Variants in FRMD4A observed in about 807,000 individuals in gnomAD.
The protein encoded by FRMD4A is FERM domain-containing protein 4A.
FRMD4A carries 29 observed loss-of-function variants against 129.1 expected under a neutral mutation model. The observed-to-expected ratio is 0.22, with a 90% CI of 0.17 to 0.31. The LOEUF (loss-of-function observed/expected upper bound fraction) is 0.31. Among genes scored for constraint, FRMD4A ranks in the 10% least tolerant of loss-of-function variants. The pLI, the probability that FRMD4A is intolerant of heterozygous loss-of-function variation, is 1.00. For missense variants in FRMD4A, 1,272 were observed against 1,375.8 expected, an observed-to-expected ratio of 0.92 and a Z score of 1.19; for synonymous variants, 634 against 571.6, an observed-to-expected ratio of 1.11 and a Z score of -1.56.
chr10:13,952,810 C>G (rs562575261), intron 2 of FRMD4A, among the ~76,000 whole-genome samples: 2 of 152,312 alleles, frequency 1.3e-5, no homozygotes, highest in South Asian at 4.2e-4. Flanking sequence ...TCTCCTGCCT[C>G]AGCCTCCCGA....
intron 2 of FRMD4A, among the ~76,000 whole-genome samples, chr10:14,265,565 T>C (rs928368300): frequency 3.3e-5 from 5 of 152,206 alleles, no homozygotes; most frequent in African/African-American, 4.8e-5. Flanking sequence ...TATAAGAATA[T>C]AGCTTTCAAA....
At chr10:13,729,350 G>A (rs1405975468) in intron 12 of FRMD4A, 2 of 152,284 alleles carry the variant, frequency 1.3e-5, no homozygotes, top group South Asian at 2.1e-4. Context: ...AGCCACCTAG[G>A]CCGGTCAAGT....
At chr10:13,887,969 G>C (rs1241481559) in intron 2 of FRMD4A, among the ~76,000 whole-genome samples, 4 of 152,190 alleles carry the variant, frequency 2.6e-5, no homozygotes, top group Non-Finnish European at 5.9e-5. Context: ...GCTGTGAAGA[G>C]AATTTTTGAT....
intron 2 of FRMD4A, among the ~76,000 whole-genome samples, chr10:14,185,536 A>C (rs1475844755): frequency 1.3e-5 from 2 of 151,534 alleles, no homozygotes; most frequent in East Asian, 3.9e-4. Context: ...GAACTATGGA[A>C]ACTTGAAACA....
chr10:14,318,680 T>A (rs1020094352), intron 2 of FRMD4A, among the ~76,000 whole-genome samples: 10 of 151,088 alleles, frequency 6.6e-5, no homozygotes, highest in African/African-American at 2.4e-4. Context: ...ATTTATACAA[T>A]GTTTCCTCTG....
chr10:14,174,690 G>A (rs1399567198), intron 2 of FRMD4A, among the ~76,000 whole-genome samples: 1 of 152,192 alleles, frequency 6.6e-6, no homozygotes, highest in African/African-American at 2.4e-5. Context: ...ACTGCGTGGA[G>A]TACTTCTAAA....
chr10:14,192,130 C>T (rs1421493779), intron 2 of FRMD4A, among the ~76,000 whole-genome samples: 1 of 152,152 alleles, frequency 6.6e-6, no homozygotes, highest in Non-Finnish European at 1.5e-5. Flanking sequence ...AGTCACCATC[C>T]CCTTATCATC....
In FRMD4A at chr10:13,778,548, G is replaced by A. The variant is rs187791255; in HGVS notation, c.384+4374C>T. Among the ~76,000 whole-genome samples the A allele has an allele frequency of 1.1e-4, 16 of 152,186 alleles. No individual in the cohort carries two copies. In the East Asian group the frequency reaches 2.5e-3, roughly 24 times the overall value. On this transcript the variant is annotated intron_variant, in intron 6 of 24. Transcript: ENST00000357447. ...GGTGGAACTATTCTGTGCAGTGAAT[G>A]TGTTGAGGTAGTTACAGAAGGAAAG...
intron 3 of FRMD4A, among the ~76,000 whole-genome samples, chr10:13,850,930 G>A (rs1225911971): frequency 6.6e-6 from 1 of 152,190 alleles, no homozygotes; most frequent in Non-Finnish European, 1.5e-5. Flanking sequence ...ATAAAGAATT[G>A]TAGGCCAGGT....
At chr10:13,727,370 C>G (rs1419242095) in intron 12 of FRMD4A, among the ~76,000 whole-genome samples, 1 of 152,154 alleles carries the variant, frequency 6.6e-6, no homozygotes, top group African/African-American at 2.4e-5. Context: ...CTACAGAGAA[C>G]CACCTTGCCC....
chr10:14,100,965 G>C (rs1361516828), intron 2 of FRMD4A, among the ~76,000 whole-genome samples: 1 of 152,084 alleles, frequency 6.6e-6, no homozygotes. Flanking sequence ...TCCTCACAAC[G>C]TGTGGGTTGG....
At position 13,645,841 on chromosome 10, in the gene FRMD4A, CA is replaced by C. The variant is rs1437216732; in HGVS notation, c.*1196del. ...CGACAGTTAAACACTGAATGGATCG[CA>C]ATGTGCTTTTCCCTTGGTTTCCCAT... On this transcript the variant is annotated 3_prime_UTR_variant, in exon 25 of 25. Coordinates refer to ENST00000357447, the MANE Select transcript of FRMD4A (RefSeq NM_018027.5). 6.6e-6 allele frequency: 1 copy of C among 152,584 alleles called. No individual in the cohort carries two copies. Among genetic ancestry groups the C allele is most frequent in the African/African-American group, 2.4e-5 (1 of 41,424 alleles). The allele number at this position is 152,584 out of a possible 1,614,324, so 9.5% of individuals were successfully genotyped here. A position where few individuals can be genotyped will look rare whatever the true frequency, so the allele number is the denominator to read the frequency against.
chr10:13,680,670 G>A (rs2084486485), intron 15 of FRMD4A, among the ~76,000 whole-genome samples: 1 of 152,082 alleles, frequency 6.6e-6, no homozygotes, highest in African/African-American at 2.4e-5. Flanking sequence ...AGGTTGCGGT[G>A]AGCTGAGATG....
At chr10:14,235,251 G>A (rs11258966) in intron 2 of FRMD4A, among the ~76,000 whole-genome samples, 9,877 of 141,350 alleles carry the variant, frequency 0.07, 941 homozygotes, top group South Asian at 0.19. Context: ...CCGGGTTCAC[G>A]CCATTCTCCG....
rs1554956601 is a variant in FRMD4A at position 13,884,216 on chromosome 10, A to ACTCTCACACACACACT, written c.46-25305_46-25304insAGTGTGTGTGTGAGAG. Among the ~76,000 whole-genome samples the ACTCTCACACACACACT allele has an allele frequency of 1.2e-4, 15 of 125,714 alleles. No homozygotes were observed. The South Asian group carries it at 3.0e-3, about 25-fold the overall frequency. 82.5% of individuals were successfully genotyped at this position (125,714 alleles called of 152,430 possible). The stretch of plus-strand genomic sequence containing the variant: ...CACACTCACACACACACTCACACAC[A>ACTCTCACACACACACT]CACACACACACACACACACACACAC... On this transcript the variant is annotated intron_variant, in intron 2 of 24. Coordinates refer to ENST00000357447, the MANE Select transcript of FRMD4A (RefSeq NM_018027.5).
intron 2 of FRMD4A, among the ~76,000 whole-genome samples, chr10:13,939,091 G>T (rs376674920): frequency 6.6e-6 from 1 of 152,298 alleles, no homozygotes; most frequent in East Asian, 1.9e-4. Context: ...AAACCCGAGG[G>T]TTAAGAGGAA....
chr10:14,259,272 G>A (rs1400994630), intron 2 of FRMD4A, among the ~76,000 whole-genome samples: 1 of 151,960 alleles, frequency 6.6e-6, no homozygotes, highest in African/African-American at 2.4e-5. Context: ...TGTAAAAAGT[G>A]GCCTCACAAA....
At chr10:14,329,963 A>G in intron 2 of FRMD4A, 95 bp downstream of exon 2, 1 of 1,151,516 alleles carries the variant, frequency 8.7e-7, no homozygotes. Flanking sequence ...AATGTTGAAC[A>G]TGTCTGCAGC....
At chr10:13,816,690 T>C (rs770979002) in intron 3 of FRMD4A, among the ~76,000 whole-genome samples, 19 of 152,248 alleles carry the variant, frequency 1.2e-4, no homozygotes, top group South Asian at 6.2e-4. Context: ...TCTGCTCTTA[T>C]GTGCTTTGAA....
Sources: allele counts gnomAD v4.1 joint callset (sites outside exome capture counted in the v4.1 genomes callset), GRCh38; gene constraint gnomAD v4.1.1; transcripts MANE v1.5; gene names NCBI Gene and HGNC (gene_info 2026-07-23, HGNC 2026-07-21).